Variants in ARHGEF4 observed in about 807,000 individuals in gnomAD.
The protein encoded by ARHGEF4 is APC-stimulated guanine nucleotide exchange factor 1.
In ARHGEF4, 119 loss-of-function variants were observed where a neutral mutation model predicts 162.0. The ratio of observed to expected loss-of-function variants is 0.73; its 90% CI spans 0.63 to 0.86. The LOEUF is 0.86. Among genes scored for constraint, ARHGEF4 ranks in the 40% least tolerant of loss-of-function variants. The pLI is 0.00. For synonymous variants in ARHGEF4, 1,014 were observed against 979.9 expected (o/e 1.03, Z -0.65); for missense variants, 2,488 against 2,456.0 (o/e 1.01, Z -0.28).
At chr2:131,008,898 A>G (rs571604191) in intron 4 of ARHGEF4, among the ~76,000 whole-genome samples, 1 of 152,328 alleles carries the variant, frequency 6.6e-6, no homozygotes, top group Admixed American at 6.5e-5. Flanking sequence ...CCACAATATA[A>G]TGTTATGATT....
intron 4 of ARHGEF4, among the ~76,000 whole-genome samples, chr2:130,960,318 A>G (rs4437002): frequency 0.53 from 79,959 of 152,056 alleles, 24,985 homozygotes; most frequent in East Asian, 0.74. Flanking sequence ...ATTTTATACT[A>G]TATTTTTACT....
chr2:131,043,553 C>G lies in ARHGEF4; in HGVS notation c.5127C>G (p.Leu1709=), dbSNP rs1466169210. ...QAKSQQRMFF[L]FDHQLIYCKK... ...AAAGCCAGCAGCGAATGTTCTTTCT[C>G]TTTGACCACCAGCTCATCTACTGTA... The change falls in exon 11 of 14, where the codon CTC becomes CTG. Residue 1709 remains leucine, a synonymous_variant. Transcript: ENST00000409359. The G allele has an allele frequency of 1.9e-6, 3 of 1,613,998 alleles. No individual in the cohort carries two copies. The African/African-American group carries it at 4.0e-5, about 22-fold the overall frequency.
chr2:130,916,858 G>C lies in ARHGEF4; in HGVS notation c.2912G>C (p.Ser971Thr). 4 of 1,550,404 alleles carry C rather than the reference G, an allele frequency of 2.6e-6. No individual in the cohort carries two copies. The highest frequency in any genetic ancestry group is 3.5e-6 in the Non-Finnish European group (4 of 1,146,866). The change falls in exon 2 of 14, where the codon AGT (serine) becomes ACT (threonine). Residue 971 changes from serine (S) to threonine (T), a missense_variant. Physicochemically the swap from Ser to Thr is moderately conservative, Grantham distance 58 (BLOSUM62 1). Coordinates refer to ENST00000409359, the MANE Select transcript of ARHGEF4 (RefSeq NM_001367493.1). ...AGCCCCAAAAAGCCCACCCTAGTGA[G>C]TCTGCCTCTAGGACCCGAAGTTCTC... ...AGSPKKPTLV[S>T]LPLGPEVLSP... is the part of the protein sequence containing the mutation.
At chr2:131,032,994 A>G (rs975654701) in intron 5 of ARHGEF4, among the ~76,000 whole-genome samples, 1 of 151,394 alleles carries the variant, frequency 6.6e-6, no homozygotes, top group African/African-American at 2.4e-5. Context: ...CTGGGACTAC[A>G]GGCACATGCC....
chr2:131,046,449 C>G lies in ARHGEF4; in HGVS notation c.*260C>G, dbSNP rs2105429492. 2.0e-6 allele frequency: 1 copy of G among 505,756 alleles called. No homozygotes were observed. The highest frequency in any genetic ancestry group is 3.6e-6 in the Non-Finnish European group (1 of 281,552). 31.3% of individuals were successfully genotyped at this position (505,756 alleles called of 1,614,324 possible). A position where few individuals can be genotyped will look rare whatever the true frequency, so the allele number is the denominator to read the frequency against. The stretch of plus-strand genomic sequence containing the variant: ...CTGCAGCTTGGGCCCCATCCGCCCT[C>G]TGGACCTGTGTAGGGCCTCACTGCT... On this transcript the variant is annotated 3_prime_UTR_variant, in exon 14 of 14. Transcript: ENST00000409359.
intron 1 of ARHGEF4, among the ~76,000 whole-genome samples, chr2:130,906,907 TA>T (rs1439590162): frequency 6.6e-6 from 1 of 152,220 alleles, no homozygotes; most frequent in African/African-American, 2.4e-5. Context: ...TTAATTTGTA[TA>T]GAGTAAAATG....
intron 1 of ARHGEF4, among the ~76,000 whole-genome samples, chr2:130,876,533 A>G (rs1678856931): frequency 6.6e-6 from 1 of 152,094 alleles, no homozygotes; most frequent in African/African-American, 2.4e-5. Context: ...CTGGGACTAC[A>G]GGGGCCCGCC....
At position 130,931,089 on chromosome 2, in the gene ARHGEF4, A is replaced by G. The variant is rs757648276; in HGVS notation, c.3690A>G (p.Ala1230=). The change falls in exon 3 of 14, where the codon GCA becomes GCG. Residue 1230 remains alanine, a synonymous_variant. Transcript: ENST00000409359. ...CATGGGCCCTCCTCTGCATCTCTGCAGAGACTGTGCGTGGGGAGGCTCCTT... is the reference window on the plus strand; with the variant it reads ...CATGGGCCCTCCTCTGCATCTCTGCGGAGACTGTGCGTGGGGAGGCTCCTT... The part of the protein sequence containing the change: ...MVTWALLCIS[A]ETVRGEAPSQ... The G allele has an allele frequency of 6.2e-7, 1 of 1,614,216 alleles. No homozygotes were observed. The highest frequency in any genetic ancestry group is 1.1e-5 in the South Asian group (1 of 91,084).
intron 4 of ARHGEF4, among the ~76,000 whole-genome samples, chr2:130,980,602 TCAA>T (rs1344893748): frequency 1.3e-5 from 2 of 152,142 alleles, no homozygotes; most frequent in African/African-American, 4.8e-5. Context: ...TGAAAACACA[TCAA>T]CACACATTTC....
chr2:130,958,946 C>CTT (rs530735577), intron 4 of ARHGEF4, among the ~76,000 whole-genome samples: 18 of 141,722 alleles, frequency 1.3e-4, no homozygotes, highest in African/African-American at 3.1e-4. Flanking sequence ...TCTTTTCTTT[C>CTT]TTTTTTTTTT....
rs1291315147 is a variant in ARHGEF4 at position 130,915,890 on chromosome 2, G to A, written c.1944G>A (p.Ala648=). The A allele has an allele frequency of 1.2e-5, 18 of 1,549,948 alleles. No individual in the cohort carries two copies. The highest frequency in any genetic ancestry group is 1.6e-5 in the Non-Finnish European group (18 of 1,146,814). Residue 648 remains alanine, a synonymous_variant, in exon 2 of 14, where the codon GCG becomes GCA. Transcript: ENST00000409359. ...QKGLQASRSN[A]GPVPETLPRD... is the part of the protein sequence containing the mutation. Reference sequence around the variant, plus strand: ...GTCTTCAGGCCAGCAGGAGCAATGCGGGGCCTGTTCCAGAAACACTGCCCC... The same window carrying A: ...GTCTTCAGGCCAGCAGGAGCAATGCAGGGCCTGTTCCAGAAACACTGCCCC...
rs576262681 is a variant in ARHGEF4 at position 130,864,791 on chromosome 2, T to G, written c.39+27799T>G. Among the ~76,000 whole-genome samples, 22 of 152,302 alleles carry G rather than the reference T, an allele frequency of 1.4e-4. No individual in the cohort carries two copies. In the East Asian group the frequency reaches 4.2e-3, roughly 29 times the overall value. ...AACATGTTCTAAGAGTAGATTATGG[T>G]GATGGTTGCACAACTCTGAATTTAT... On this transcript the variant is annotated intron_variant, in intron 1 of 13. Transcript: ENST00000409359.
At position 130,892,654 on chromosome 2, in the gene ARHGEF4, C is replaced by T. The variant is rs567134516; in HGVS notation, c.40-21332C>T. On this transcript the variant is annotated intron_variant, in intron 1 of 13. Transcript: ENST00000409359. ...ACAGAGCCTACTGGCAGGCTGAGGA[C>T]TACAGCCAGGGTGGAGCCCACAGCC... 2.6e-5 allele frequency among the ~76,000 whole-genome samples: 4 copies of T among 152,358 alleles called. No individual in the cohort carries two copies. In the East Asian group the frequency reaches 7.7e-4, roughly 29 times the overall value.
intron 4 of ARHGEF4, among the ~76,000 whole-genome samples, chr2:131,025,438 AC>A (rs1689416131): frequency 6.6e-6 from 1 of 152,138 alleles, no homozygotes; most frequent in African/African-American, 2.4e-5. Context: ...AGTTCTGGGG[AC>A]ACATGTGGAG....
In ARHGEF4 at chr2:131,041,399, A is replaced by G. The variant is rs756578048; in HGVS notation, c.4832A>G (p.Gln1611Arg). The G allele has an allele frequency of 1.2e-6, 2 of 1,613,376 alleles. No individual in the cohort carries two copies. Among genetic ancestry groups the G allele is most frequent in the Non-Finnish European group, 1.7e-6 (2 of 1,180,030 alleles). The change falls in exon 9 of 14, where the codon CAG becomes CGG. Residue 1611 changes from glutamine (Q) to arginine (R), a missense_variant. Around this residue, in one of 6 missense-constraint regions of ARHGEF4, gnomAD observed 415 missense variants for 512.4 expected, o/e 0.81. Transcript: ENST00000409359. ...SLDGFLLTPV[Q>R]KICKYPLQLA... The stretch of plus-strand genomic sequence containing the variant: ...GATGGCTTCCTGCTGACTCCGGTGC[A>G]GAAGATCTGCAAGTACCCTCTGCAG...
chr2:130,917,176 G>T lies in ARHGEF4; in HGVS notation c.3230G>T (p.Cys1077Phe). 1 of 1,550,458 alleles carries T rather than the reference G, an allele frequency of 6.4e-7. No individual in the cohort carries two copies. Among genetic ancestry groups the T allele is most frequent in the South Asian group, 1.2e-5 (1 of 84,050 alleles). The change falls in exon 2 of 14, where the codon TGC becomes TTC. Residue 1077 changes from cysteine to phenylalanine, a missense_variant. By Grantham distance (205) the Cys-to-Phe change is radical. Transcript: ENST00000409359. ...ACCCTGCCTTCCAGCTCTGCCTGCT[G>T]CCTGGCATATGAAAACCCCGGGACG... The part of the protein sequence containing the change: ...AHTLPSSSAC[C>F]LAYENPGTPC...
rs567029344 is a variant in ARHGEF4 at position 130,994,796 on chromosome 2, A to T, written c.3986-33149A>T. Among the ~76,000 whole-genome samples, 3 of 152,284 alleles carry T rather than the reference A, an allele frequency of 2.0e-5. No individual in the cohort carries two copies. The South Asian group carries it at 6.2e-4, about 32-fold the overall frequency. ...TGTTTTTGTTTTCTTCTTATCTGAA[A>T]ATGCCTTTTTAAATCTTAATTCCTT... On this transcript the variant is annotated intron_variant, in intron 4 of 13. Transcript: ENST00000409359.
At chr2:130,921,837 G>A (rs1031591819) in intron 2 of ARHGEF4, among the ~76,000 whole-genome samples, 63 of 151,894 alleles carry the variant, frequency 4.1e-4, no homozygotes, top group African/African-American at 1.4e-3. Context: ...GACTATAGGC[G>A]CCTGCCACCA....
intron 1 of ARHGEF4, among the ~76,000 whole-genome samples, chr2:130,845,717 A>G (rs2104865602): frequency 6.6e-6 from 1 of 152,318 alleles, no homozygotes; most frequent in South Asian, 2.1e-4. Flanking sequence ...GTGAGGACTC[A>G]AGCTTGTGAG....
Sources: gnomAD v4.1 joint callset for allele counts (sites outside exome capture counted in the v4.1 genomes callset) on GRCh38, gnomAD v4.1.1 for gene constraint, gnomAD v4.1.1 regional missense constraint, MANE v1.5 for transcripts, NCBI Gene and HGNC (gene_info 2026-07-23, HGNC 2026-07-21) for gene names.